SORCS2: variants seen among roughly 807,000 people sequenced by gnomAD.
The protein encoded by SORCS2 is VPS10 domain-containing receptor SorCS2.
SORCS2 carries 100 observed loss-of-function variants against 141.6 expected under a neutral mutation model. The ratio of observed to expected loss-of-function variants is 0.71; its 90% CI spans 0.60 to 0.83. The LOEUF is 0.83. Among genes scored for constraint, SORCS2 ranks in the 40% least tolerant of loss-of-function variants. The probability of loss-of-function intolerance (pLI) is 0.00; values close to 1 mark genes in which losing one functional copy is unlikely to be tolerated. For missense variants in SORCS2, 1,646 were observed against 1,560.2 expected, an observed-to-expected ratio of 1.05 and a Z score of -0.93; for synonymous variants, 789 against 676.9, an observed-to-expected ratio of 1.17 and a Z score of -2.57.
chr4:7,696,271 G>T (rs539374910), intron 11 of SORCS2, among the ~76,000 whole-genome samples: 34 of 152,292 alleles, frequency 2.2e-4, no homozygotes, highest in African/African-American at 8.2e-4. Context: ...CGTCATCAGG[G>T]TCCCCATCAT....
intron 1 of SORCS2, among the ~76,000 whole-genome samples, chr4:7,378,691 C>T (rs980692899): frequency 2.6e-5 from 4 of 152,122 alleles, no homozygotes; most frequent in African/African-American, 9.7e-5. Context: ...CAGGTTCCTC[C>T]CCCCCACACT....
At chr4:7,214,453 G>A (rs1187281980) in intron 1 of SORCS2, among the ~76,000 whole-genome samples, 1 of 152,204 alleles carries the variant, frequency 6.6e-6, no homozygotes, top group Non-Finnish European at 1.5e-5. Flanking sequence ...CCAGCCTCCA[G>A]AACCAAATAA....
At chr4:7,382,912 A>G (rs914345693) in intron 1 of SORCS2, among the ~76,000 whole-genome samples, 14 of 152,212 alleles carry the variant, frequency 9.2e-5, no homozygotes, top group African/African-American at 2.7e-4. Context: ...AATTTCCTTT[A>G]AGATCAGAAG....
At chr4:7,422,732 C>T (rs746194800) in intron 2 of SORCS2, among the ~76,000 whole-genome samples, 1 of 152,174 alleles carries the variant, frequency 6.6e-6, no homozygotes, top group African/African-American at 2.4e-5. Flanking sequence ...GTGGCACCGC[C>T]GTCTCTCGCC....
chr4:7,495,560 G>A (rs1173576859), intron 2 of SORCS2, among the ~76,000 whole-genome samples: 1 of 152,308 alleles, frequency 6.6e-6, no homozygotes, highest in East Asian at 1.9e-4. Context: ...CCCTCGTCAG[G>A]CCCCAAGCCC....
chr4:7,247,302 T>G (rs1713163370), intron 1 of SORCS2, among the ~76,000 whole-genome samples: 1 of 152,120 alleles, frequency 6.6e-6, no homozygotes, highest in East Asian at 1.9e-4. Context: ...TTTCTATCTT[T>G]AATTTTTTTT....
chr4:7,247,280 T>C (rs1713161401), intron 1 of SORCS2, among the ~76,000 whole-genome samples: 1 of 152,206 alleles, frequency 6.6e-6, no homozygotes. Flanking sequence ...AATTACATAC[T>C]GTAAACGGAT....
At position 7,676,249 on chromosome 4, in the gene SORCS2, G is replaced by C; in HGVS notation, c.1341+20G>C. The C allele has an allele frequency of 6.5e-7, 1 of 1,546,492 alleles. No individual in the cohort carries two copies. The highest frequency in any genetic ancestry group is 1.2e-5 in the South Asian group (1 of 83,892). On this transcript the variant is annotated intron_variant, in intron 9 of 26. Transcript: ENST00000507866. The stretch of plus-strand genomic sequence containing the variant: ...CTGGAGGTGGGTCCAGGGTGGATGT[G>C]GGCCAGGTCTGCCGCCGACCCCCTG...
intron 1 of SORCS2, among the ~76,000 whole-genome samples, chr4:7,333,854 G>T (rs752142898): frequency 6.6e-6 from 1 of 152,210 alleles, no homozygotes; most frequent in Non-Finnish European, 1.5e-5. Context: ...CAGGGAAGCC[G>T]CATTTCTCCA....
At chr4:7,329,000 C>T (rs73796644) in intron 1 of SORCS2, among the ~76,000 whole-genome samples, 4,165 of 152,286 alleles carry the variant, frequency 0.027, 189 homozygotes, top group African/African-American at 0.093. Flanking sequence ...TGTGGCCCCC[C>T]GAGGCCAGGC....
At chr4:7,335,548 G>A (rs1357340387) in intron 1 of SORCS2, among the ~76,000 whole-genome samples, 1 of 152,122 alleles carries the variant, frequency 6.6e-6, no homozygotes, top group Non-Finnish European at 1.5e-5. Flanking sequence ...CTCATCTGTC[G>A]GGGCACCCGA....
In SORCS2 at chr4:7,618,385, C is replaced by G. The variant is rs948945988; in HGVS notation, c.649-19943C>G. On this transcript the variant is annotated intron_variant, in intron 3 of 26. Transcript: ENST00000507866. Reference sequence around the variant, plus strand: ...TTTTCCAGGACCCCAGCCCCTCTGTCTGCCCTCCACTCTGCACCCGGAGGG... The same window carrying G: ...TTTTCCAGGACCCCAGCCCCTCTGTGTGCCCTCCACTCTGCACCCGGAGGG... 3.9e-5 allele frequency among the ~76,000 whole-genome samples: 6 copies of G among 152,172 alleles called. No individual in the cohort carries two copies. In the East Asian group the frequency reaches 1.2e-3, roughly 29 times the overall value.
At chr4:7,377,493 A>G (rs1325106887) in intron 1 of SORCS2, among the ~76,000 whole-genome samples, 1 of 152,232 alleles carries the variant, frequency 6.6e-6, no homozygotes, top group African/African-American at 2.4e-5. Context: ...AGCCGAGACC[A>G]CATCCTGATG....
intron 2 of SORCS2, among the ~76,000 whole-genome samples, chr4:7,424,488 A>C: frequency 6.6e-6 from 1 of 152,186 alleles, no homozygotes; most frequent in East Asian, 1.9e-4. Flanking sequence ...GGGTCCACAC[A>C]GTCCTCTGAA....
At chr4:7,318,928 G>A (rs1183390956) in intron 1 of SORCS2, among the ~76,000 whole-genome samples, 3 of 152,138 alleles carry the variant, frequency 2.0e-5, no homozygotes, top group Non-Finnish European at 4.4e-5. Context: ...TACCGATCTG[G>A]TTTTGGTCTG....
chr4:7,285,783 G>A (rs767771683), intron 1 of SORCS2, among the ~76,000 whole-genome samples: 5 of 152,232 alleles, frequency 3.3e-5, no homozygotes, highest in East Asian at 1.9e-4. Flanking sequence ...TTAGTCTGGC[G>A]TGGGCTGCTA....
At chr4:7,537,018 C>G (rs1036711249) in intron 3 of SORCS2, among the ~76,000 whole-genome samples, 11 of 152,196 alleles carry the variant, frequency 7.2e-5, no homozygotes, top group Admixed American at 3.9e-4. Flanking sequence ...TAGAGTACCC[C>G]TTGTCATGCT....
intron 2 of SORCS2, among the ~76,000 whole-genome samples, chr4:7,399,138 A>G (rs1452415725): frequency 2.0e-5 from 3 of 152,120 alleles, no homozygotes; most frequent in Non-Finnish European, 4.4e-5. Flanking sequence ...TCCTTTGCAC[A>G]TTACCTGCTC....
intron 1 of SORCS2, among the ~76,000 whole-genome samples, chr4:7,325,333 TTTAAA>T (rs1719183960): frequency 6.6e-6 from 1 of 152,106 alleles, no homozygotes. Context: ...TGCTTTGAGG[TTTAAA>T]TTAAATGTTG....
Sources: allele counts gnomAD v4.1 joint callset (sites outside exome capture counted in the v4.1 genomes callset), GRCh38; gene constraint gnomAD v4.1.1; transcripts MANE v1.5; gene names NCBI Gene and HGNC (gene_info 2026-07-23, HGNC 2026-07-21).